PDK3: variants seen among roughly 807,000 people sequenced by gnomAD.
PDK3 encodes the protein pyruvate dehydrogenase kinase, isozyme 3.
A neutral mutation model predicts 32.0 loss-of-function variants in PDK3; 12 were observed. The observed-to-expected ratio is 0.37, with a 90% CI of 0.24 to 0.61. The LOEUF is 0.61. Ranked by LOEUF, PDK3 falls within the 20% of genes least tolerant of loss-of-function variation. The probability of loss-of-function intolerance (pLI) is 0.65; values close to 1 mark genes in which losing one functional copy is unlikely to be tolerated. For synonymous variants in PDK3, 122 were observed against 116.3 expected (o/e 1.05, Z -0.31); for missense variants, 188 against 316.9 (o/e 0.59, Z 3.09).
chrX:24,481,112 T>C (rs1209094342), intron 1 of PDK3, among the ~76,000 whole-genome samples: 3 of 108,982 alleles, frequency 2.8e-5, no homozygotes, highest in East Asian at 2.9e-4. Flanking sequence ...GGCGCGATCT[T>C]GGCTCACTGC....
At chrX:24,527,697 A>G (rs370118966) in intron 8 of PDK3, 22 bp downstream of exon 8, 1 of 847,084 alleles carries the variant, frequency 1.2e-6, no homozygotes, top group Non-Finnish European at 1.7e-6. Context: ...ATGTGCATGT[A>G]TACTTTAATT....
At chrX:24,543,227 T>G (rs982919340) in exon 12 of PDK3, among the ~76,000 whole-genome samples, 2 of 111,987 alleles carry the variant, frequency 1.8e-5, no homozygotes, top group Non-Finnish European at 3.8e-5. Context: ...GTTCTCTTCT[T>G]GAAAACTTCA....
chrX:24,473,725 C>G (rs887910313), intron 1 of PDK3, among the ~76,000 whole-genome samples: 6 of 111,678 alleles, frequency 5.4e-5, no homozygotes, highest in African/African-American at 2.0e-4. Flanking sequence ...GCATGAGTCA[C>G]CGTGCCTGGC....
intron 5 of PDK3, among the ~76,000 whole-genome samples, chrX:24,515,054 C>A (rs933034991): frequency 2.7e-5 from 3 of 112,206 alleles, no homozygotes; most frequent in African/African-American, 9.7e-5. Context: ...AGGATCGTTC[C>A]ATTTAACAAA....
chrX:24,534,078 C>A lies in PDK3; in HGVS notation c.*6C>A, dbSNP rs1315169316. 8.4e-7 allele frequency: 1 copy of A among 1,185,771 alleles called. No homozygotes were observed. Among genetic ancestry groups the A allele is most frequent in the African/African-American group, 1.8e-5 (1 of 56,432 alleles). On this transcript the variant is annotated 3_prime_UTR_variant, in exon 11 of 11. Coordinates refer to ENST00000379162, the MANE Select transcript of PDK3 (RefSeq NM_005391.5). Reference sequence around the variant, plus strand: ...AATACAAAGCAAAACAGTAATATACCACCTTGATTTCCATTACAAAGTATC... The same window carrying A: ...AATACAAAGCAAAACAGTAATATACAACCTTGATTTCCATTACAAAGTATC...
exon 12 of PDK3, among the ~76,000 whole-genome samples, chrX:24,541,688 CTT>C (rs1484233606): frequency 8.9e-6 from 1 of 112,687 alleles, no homozygotes; most frequent in African/African-American, 3.2e-5. Context: ...TTACTAGCCT[CTT>C]TACCCAAGTA....
At chrX:24,496,296 TACACAC>T (rs74314230) in intron 2 of PDK3, among the ~76,000 whole-genome samples, 7 of 102,722 alleles carry the variant, frequency 6.8e-5, no homozygotes, top group South Asian at 4.6e-4. Context: ...ACTCTCTGCA[TACACAC>T]ACACACACAC....
chrX:24,547,880 T>C lies in PDK3; in HGVS notation c.*8716T>C, dbSNP rs749903675. On this transcript the variant is annotated 3_prime_UTR_variant, in exon 12 of 12. Coordinates refer to the PDK3 transcript ENST00000568479. ...ATCGCGTCCACGCCTGGCTTTGCAA[T>C]AAGTGTTCATTTAAAAGAAAGACAT... The C allele has an allele frequency of 2.7e-5, 3 of 113,142 alleles. No homozygotes were observed. The Admixed American group carries it at 2.8e-4, about 11-fold the overall frequency. 9.3% of individuals were successfully genotyped at this position (113,142 alleles called of 1,213,427 possible). A position where few individuals can be genotyped will look rare whatever the true frequency, so the allele number is the denominator to read the frequency against.
At chrX:24,503,140 A>T (rs756858265) in intron 3 of PDK3, among the ~76,000 whole-genome samples, 187 bp from the exon 4 acceptor site, 3 of 111,965 alleles carry the variant, frequency 2.7e-5, no homozygotes, top group South Asian at 7.4e-4. Context: ...GTAGAAAAAA[A>T]GTTTCAAGCA....
At chrX:24,483,844 C>G (rs762565734) in intron 1 of PDK3, among the ~76,000 whole-genome samples, 2 of 110,035 alleles carry the variant, frequency 1.8e-5, no homozygotes, top group Non-Finnish European at 3.8e-5. Context: ...CCTCCGAGTA[C>G]CTGGGACTAC....
At chrX:24,495,461 A>G in intron 2 of PDK3, among the ~76,000 whole-genome samples, 1 of 112,860 alleles carries the variant, frequency 8.9e-6, no homozygotes, top group African/African-American at 3.2e-5. Flanking sequence ...CTGAGTGGCT[A>G]GACATTGAGT....
At chrX:24,527,412 C>T (rs897948973) in intron 7 of PDK3, among the ~76,000 whole-genome samples, 162 bp from the exon 8 acceptor site, 11 of 111,014 alleles carry the variant, frequency 9.9e-5, no homozygotes, top group African/African-American at 3.3e-4. Context: ...GATTTGAGCA[C>T]GTTTAGCTAA....
At position 24,491,678 on chromosome X, in the gene PDK3, G is replaced by A. The variant is rs1036352025; in HGVS notation, c.107-3064G>A. 2.7e-5 allele frequency among the ~76,000 whole-genome samples: 3 copies of A among 111,612 alleles called. No homozygotes were observed. In the Admixed American group the frequency reaches 2.9e-4, roughly 11 times the overall value. On this transcript the variant is annotated intron_variant, in intron 1 of 10. Coordinates refer to ENST00000379162, the MANE Select transcript of PDK3 (RefSeq NM_005391.5). ...TAGTCAGAAAGAGGACTCAGAGCCG[G>A]GCACGGTGGCTCATGCCTGTAATCC...
intron 6 of PDK3, among the ~76,000 whole-genome samples, chrX:24,520,645 C>G (rs1265512562): frequency 8.9e-6 from 1 of 111,902 alleles, no homozygotes; most frequent in Non-Finnish European, 1.9e-5. Context: ...AAAGGGAAAT[C>G]CCCCACAACT....
intron 1 of PDK3, among the ~76,000 whole-genome samples, chrX:24,467,545 G>C (rs1205271873): frequency 8.9e-6 from 1 of 112,241 alleles, no homozygotes. Flanking sequence ...GAAGTGACAA[G>C]GCTAGTTTGT....
chrX:24,492,403 A>G (rs1350851024), intron 1 of PDK3, among the ~76,000 whole-genome samples: 2 of 109,683 alleles, frequency 1.8e-5, no homozygotes, highest in Admixed American at 2.0e-4. Flanking sequence ...AGCCTGGCCA[A>G]CATGATGAAA....
chrX:24,518,353 C>T (rs1297187713), intron 5 of PDK3, among the ~76,000 whole-genome samples: 5 of 111,441 alleles, frequency 4.5e-5, no homozygotes, highest in Non-Finnish European at 9.4e-5. Context: ...CGTGGTGGCA[C>T]ACACCTGTAA....
At chrX:24,497,082 G>C (rs1921733869) in intron 2 of PDK3, among the ~76,000 whole-genome samples, 1 of 109,009 alleles carries the variant, frequency 9.2e-6, no homozygotes, top group African/African-American at 3.3e-5. Flanking sequence ...ACCTGGCCCA[G>C]AATAATCTTT....
rs936002020 is a variant in PDK3 at position 24,526,103 on chromosome X, T to C, written c.674-95T>C. On this transcript the variant is annotated intron_variant, in intron 6 of 10. Coordinates refer to ENST00000379162, the MANE Select transcript of PDK3 (RefSeq NM_005391.5). ...CTCAAATTAGCCTTTTATAGAGCTCTGTTTTACACACTTGGAAAATAGAAT... is the reference window on the plus strand; with the variant it reads ...CTCAAATTAGCCTTTTATAGAGCTCCGTTTTACACACTTGGAAAATAGAAT... 9.5e-6 allele frequency: 6 copies of C among 634,117 alleles called. No individual in the cohort carries two copies. In the African/African-American group the frequency reaches 1.1e-4, roughly 12 times the overall value. The allele number at this position is 634,117 out of a possible 1,213,427, so 52.3% of individuals were successfully genotyped here.
Sources: allele counts gnomAD v4.1 joint callset (sites outside exome capture counted in the v4.1 genomes callset), GRCh38; gene constraint gnomAD v4.1.1; transcripts MANE v1.5; gene names NCBI Gene and HGNC (gene_info 2026-07-23, HGNC 2026-07-21).